Variants in MARCHF1 observed in about 807,000 individuals in gnomAD.
MARCHF1 encodes the protein E3 ubiquitin-protein ligase MARCHF1.
In MARCHF1, 40 loss-of-function variants were observed where a neutral mutation model predicts 54.2. The ratio of observed to expected loss-of-function variants is 0.74; its 90% CI spans 0.57 to 0.96. The LOEUF (loss-of-function observed/expected upper bound fraction) is 0.96. Ranked by LOEUF, MARCHF1 falls within the 40% of genes least tolerant of loss-of-function variation. The probability of loss-of-function intolerance (pLI) is 0.00; values close to 1 mark genes in which losing one functional copy is unlikely to be tolerated. For missense variants in MARCHF1, 586 were observed against 656.5 expected, an observed-to-expected ratio of 0.89 and a Z score of 1.17; for synonymous variants, 236 against 236.3, an observed-to-expected ratio of 1.00 and a Z score of 0.01.
chr4:164,272,493 G>C (rs528639396), intron 1 of MARCHF1, among the ~76,000 whole-genome samples: 25 of 152,144 alleles, frequency 1.6e-4, no homozygotes, highest in African/African-American at 5.5e-4. Flanking sequence ...ATATTGTTTA[G>C]TGAAAAAGTA....
At position 163,534,844 on chromosome 4, in the gene MARCHF1, G is replaced by A. The variant is rs190836936; in HGVS notation, c.1340-5798C>T. ...ATGCATTTGCAACGAACACGTGTTC[G>A]ATAATAGCACTGTTGTTATCTAGTG... On this transcript the variant is annotated intron_variant, in intron 9 of 9. Coordinates refer to ENST00000514618, the MANE Select transcript of MARCHF1 (RefSeq NM_001394959.1). Among the ~76,000 whole-genome samples, 38 of 152,050 alleles carry A rather than the reference G, an allele frequency of 2.5e-4. No individual in the cohort carries two copies. The East Asian group carries it at 7.3e-3, about 29-fold the overall frequency.
chr4:163,876,240 A>T (rs11100524), intron 3 of MARCHF1, among the ~76,000 whole-genome samples: 21,202 of 152,134 alleles, frequency 0.14, 1,618 homozygotes, highest in Non-Finnish European at 0.16. Flanking sequence ...CAAATTGTAG[A>T]ATTACTATGT....
chr4:163,919,266 G>T (rs770612992), intron 3 of MARCHF1, among the ~76,000 whole-genome samples: 6 of 152,020 alleles, frequency 3.9e-5, no homozygotes, highest in African/African-American at 1.4e-4. Context: ...AGCTAGAGTT[G>T]CTGGGAGAAG....
rs559547933 is a variant in MARCHF1 at position 163,763,529 on chromosome 4, G to A, written c.112-62666C>T. ...CTCAGAAGTATCCAAGCCTTTATAAGTTTTTAACTGGGACTATGACAAACA... is the reference window on the plus strand; with the variant it reads ...CTCAGAAGTATCCAAGCCTTTATAAATTTTTAACTGGGACTATGACAAACA... On this transcript the variant is annotated intron_variant, in intron 4 of 9. Transcript: ENST00000514618. Among the ~76,000 whole-genome samples, 3 of 152,144 alleles carry A rather than the reference G, an allele frequency of 2.0e-5. No individual in the cohort carries two copies. The South Asian group carries it at 6.2e-4, about 31-fold the overall frequency.
chr4:164,192,168 T>A (rs72987716), intron 1 of MARCHF1, among the ~76,000 whole-genome samples: 2 of 152,320 alleles, frequency 1.3e-5, no homozygotes, highest in African/African-American at 4.8e-5. Context: ...AAGATTATCT[T>A]AATTTGTAAA....
intron 1 of MARCHF1, among the ~76,000 whole-genome samples, chr4:164,178,357 G>A (rs1359436604): frequency 6.6e-6 from 1 of 152,172 alleles, no homozygotes; most frequent in Non-Finnish European, 1.5e-5. Flanking sequence ...CTCTTAAACA[G>A]AGGCCTGACT....
intron 4 of MARCHF1, among the ~76,000 whole-genome samples, chr4:163,846,059 TA>T (rs1323521334): frequency 6.6e-6 from 1 of 152,188 alleles, no homozygotes; most frequent in African/African-American, 2.4e-5. Context: ...GTTATTCTAA[TA>T]AAAATTTAGA....
At position 163,856,671 on chromosome 4, in the gene MARCHF1, A is replaced by G. The variant is rs961769306; in HGVS notation, c.-38-2502T>C. On this transcript the variant is annotated intron_variant, in intron 3 of 9. Coordinates refer to ENST00000514618, the MANE Select transcript of MARCHF1 (RefSeq NM_001394959.1). ...ATATGCATCTTCTGAGTTGTCAGGT[A>G]TGTTAGAATCACAGCATCATCTCCT... Among the ~76,000 whole-genome samples, 5 of 152,176 alleles carry G rather than the reference A, an allele frequency of 3.3e-5. No individual in the cohort carries two copies. The East Asian group carries it at 5.8e-4, about 18-fold the overall frequency.
intron 1 of MARCHF1, among the ~76,000 whole-genome samples, chr4:164,153,234 C>A (rs1186424944): frequency 6.7e-6 from 1 of 150,150 alleles, no homozygotes; most frequent in Non-Finnish European, 1.5e-5. Flanking sequence ...ACCACTAAAG[C>A]AGTCACTTAC....
chr4:163,814,437 G>A lies in MARCHF1; in HGVS notation c.111+39584C>T, dbSNP rs186090724. Among the ~76,000 whole-genome samples, 85 of 152,192 alleles carry A rather than the reference G, an allele frequency of 5.6e-4. 1 individual carries two copies. Among genetic ancestry groups the A allele is most frequent in the Non-Finnish European group, 9.1e-4 (62 of 68,004 alleles). On this transcript the variant is annotated intron_variant, in intron 4 of 9. Transcript: ENST00000514618. ...TACTAAAAATAGAAAAAGATTAGCCGGTTGTGTGTGGTGGCGCATGCCCGT... is the reference window on the plus strand; with the variant it reads ...TACTAAAAATAGAAAAAGATTAGCCAGTTGTGTGTGGTGGCGCATGCCCGT...
chr4:163,805,550 T>C (rs1748202972), intron 4 of MARCHF1, among the ~76,000 whole-genome samples: 1 of 152,156 alleles, frequency 6.6e-6, no homozygotes, highest in Admixed American at 6.5e-5. Flanking sequence ...AGTAGCAGCA[T>C]GAAAAATAAC....
intron 4 of MARCHF1, among the ~76,000 whole-genome samples, chr4:163,761,258 A>C (rs1350891829): frequency 6.6e-6 from 1 of 152,234 alleles, no homozygotes; most frequent in African/African-American, 2.4e-5. Flanking sequence ...ATGTTTAAGC[A>C]GTTTCTGTTG....
intron 1 of MARCHF1, among the ~76,000 whole-genome samples, chr4:164,167,734 T>G (rs562235770): frequency 1.3e-5 from 2 of 151,874 alleles, no homozygotes; most frequent in South Asian, 4.2e-4. Flanking sequence ...TGCAAAAGAA[T>G]AAAATAGAAC....
chr4:163,884,496 G>A (rs1014350912), intron 3 of MARCHF1, among the ~76,000 whole-genome samples: 6 of 152,108 alleles, frequency 3.9e-5, no homozygotes, highest in East Asian at 3.9e-4. Context: ...TGGAAACAAA[G>A]GTAAAACAAG....
chr4:163,586,701 T>C (rs2110829095), intron 7 of MARCHF1, among the ~76,000 whole-genome samples: 1 of 152,322 alleles, frequency 6.6e-6, no homozygotes, highest in East Asian at 1.9e-4. Flanking sequence ...TGGGCTTTCA[T>C]ATATAAAAGT....
intron 1 of MARCHF1, chr4:164,197,053 T>C (rs1480012507): frequency 6.2e-7 from 1 of 1,606,038 alleles, no homozygotes; most frequent in Admixed American, 1.7e-5. Flanking sequence ...CTCTTCTTCA[T>C]CTTCCTCGCC....
At chr4:163,771,292 T>C (rs1747153141) in intron 4 of MARCHF1, among the ~76,000 whole-genome samples, 1 of 152,260 alleles carries the variant, frequency 6.6e-6, no homozygotes, top group South Asian at 2.1e-4. Context: ...CCACAAAAAG[T>C]TCTTTGGTCC....
chr4:164,233,574 G>A (rs988095310), intron 1 of MARCHF1, among the ~76,000 whole-genome samples: 17 of 151,986 alleles, frequency 1.1e-4, no homozygotes, highest in Admixed American at 5.3e-4. Context: ...GGCCAACCAC[G>A]GGACAGGACT....
chr4:164,033,987 C>A (rs1753937628), intron 2 of MARCHF1, among the ~76,000 whole-genome samples: 1 of 152,004 alleles, frequency 6.6e-6, no homozygotes, highest in African/African-American at 2.4e-5. Flanking sequence ...ACGTTTTCTG[C>A]AGCACTATTC....
Sources: allele counts gnomAD v4.1 joint callset (sites outside exome capture counted in the v4.1 genomes callset), GRCh38; gene constraint gnomAD v4.1.1; transcripts MANE v1.5; gene names NCBI Gene and HGNC (gene_info 2026-07-23, HGNC 2026-07-21).